ROBO1: variants seen among roughly 807,000 people sequenced by gnomAD.
ROBO1 encodes roundabout homolog 1.
ROBO1 carries 149 observed loss-of-function variants against 195.9 expected under a neutral mutation model. The observed-to-expected ratio is 0.76, with a 90% confidence interval of 0.67 to 0.87. ROBO1 has a LOEUF of 0.87. Among genes scored for constraint, ROBO1 ranks in the 40% least tolerant of loss-of-function variants. The pLI is 0.00. For missense variants in ROBO1, 1,933 were observed against 2,068.3 expected (o/e 0.93, Z 1.27); for synonymous variants, 816 against 733.2 (o/e 1.11, Z -1.82).
chr3:78,834,933 T>C (rs1252699404), intron 4 of ROBO1, among the ~76,000 whole-genome samples: 1 of 152,216 alleles, frequency 6.6e-6, no homozygotes, highest in African/African-American at 2.4e-5. Context: ...CTTTTGCTTA[T>C]ATAATGACAT....
chr3:79,684,728 T>A (rs886144043), intron 1 of ROBO1, among the ~76,000 whole-genome samples: 4 of 152,010 alleles, frequency 2.6e-5, no homozygotes, highest in Non-Finnish European at 2.9e-5. Context: ...CAGACTGGAG[T>A]GCAGTGACGT....
At chr3:79,569,465 A>G (rs1943200060) in intron 2 of ROBO1, among the ~76,000 whole-genome samples, 3 of 152,182 alleles carry the variant, frequency 2.0e-5, no homozygotes, top group Admixed American at 6.6e-5. Context: ...CATAGTTGCT[A>G]TATGAATTTT....
chr3:79,650,457 G>A (rs1236199486), intron 1 of ROBO1, among the ~76,000 whole-genome samples: 1 of 151,218 alleles, frequency 6.6e-6, no homozygotes, highest in Non-Finnish European at 1.5e-5. Flanking sequence ...GATATAATAG[G>A]CAAGTTTTAT....
chr3:79,548,830 GT>G (rs1942370636), intron 2 of ROBO1, among the ~76,000 whole-genome samples: 1 of 152,136 alleles, frequency 6.6e-6, no homozygotes, highest in Non-Finnish European at 1.5e-5. Flanking sequence ...CAGCAGCAGG[GT>G]TTTTGAATCA....
At chr3:79,384,048 T>C (rs769490600) in intron 2 of ROBO1, among the ~76,000 whole-genome samples, 5 of 152,058 alleles carry the variant, frequency 3.3e-5, no homozygotes, top group Non-Finnish European at 7.4e-5. Context: ...ATATCACATA[T>C]GCAGTGTATC....
intron 4 of ROBO1, among the ~76,000 whole-genome samples, chr3:78,937,111 T>A (rs1450827069): frequency 6.6e-6 from 1 of 152,108 alleles, no homozygotes; most frequent in African/African-American, 2.4e-5. Flanking sequence ...TATTTTACAC[T>A]CATATCAGAA....
chr3:79,457,816 C>A (rs932226397), intron 2 of ROBO1, among the ~76,000 whole-genome samples: 4 of 152,100 alleles, frequency 2.6e-5, no homozygotes, highest in African/African-American at 9.7e-5. Context: ...TCCATTAAAC[C>A]TCTTTTTCTT....
intron 3 of ROBO1, among the ~76,000 whole-genome samples, chr3:78,990,997 T>C (rs2077224160): frequency 6.6e-6 from 1 of 152,328 alleles, no homozygotes; most frequent in Middle Eastern, 3.4e-3. Flanking sequence ...AAGGGTCTAA[T>C]AAATCATTGT....
intron 2 of ROBO1, among the ~76,000 whole-genome samples, chr3:79,270,791 T>C (rs901552630): frequency 2.2e-4 from 33 of 152,040 alleles, no homozygotes; most frequent in Admixed American, 5.9e-4. Flanking sequence ...CTCTAAATAC[T>C]TCCCTGGCCA....
At chr3:79,736,029 A>G (rs932149722) in intron 1 of ROBO1, among the ~76,000 whole-genome samples, 2 of 152,212 alleles carry the variant, frequency 1.3e-5, no homozygotes, top group Admixed American at 6.5e-5. Context: ...GTAAAGCTCC[A>G]TTCTACAGTG....
At chr3:79,247,263 G>A (rs944571402) in intron 2 of ROBO1, among the ~76,000 whole-genome samples, 1 of 149,496 alleles carries the variant, frequency 6.7e-6, no homozygotes, top group African/African-American at 2.5e-5. Context: ...GTTCCAAAGT[G>A]CACATAATAT....
chr3:78,655,656 GA>G (rs1706962396), intron 18 of ROBO1, among the ~76,000 whole-genome samples: 1 of 152,126 alleles, frequency 6.6e-6, no homozygotes, highest in South Asian at 2.1e-4. Flanking sequence ...AAATAAATGT[GA>G]AGTTCTTTAT....
At chr3:78,599,107 A>AAAT (rs1436783266) in intron 30 of ROBO1, among the ~76,000 whole-genome samples, 180 bp from the exon 31 acceptor site, 3 of 152,180 alleles carry the variant, frequency 2.0e-5, no homozygotes, top group African/African-American at 7.2e-5. Context: ...TCTTCACAGC[A>AAAT]AATTCAACAA....
chr3:79,085,857 T>G (rs2079359544), intron 3 of ROBO1, among the ~76,000 whole-genome samples: 5 of 152,212 alleles, frequency 3.3e-5, no homozygotes, highest in African/African-American at 1.2e-4. Context: ...ACTATAAATT[T>G]CAGCAAATTG....
At chr3:78,806,275 GCTCT>G (rs1405075997) in intron 4 of ROBO1, among the ~76,000 whole-genome samples, 2 of 152,036 alleles carry the variant, frequency 1.3e-5, no homozygotes, top group Non-Finnish European at 2.9e-5. Flanking sequence ...TGCCTGGTCT[GCTCT>G]CTCTAATTTT....
chr3:79,564,074 A>ATGATGG (rs1943013367), intron 2 of ROBO1, among the ~76,000 whole-genome samples: 2 of 152,004 alleles, frequency 1.3e-5, no homozygotes, highest in Admixed American at 1.3e-4. Context: ...ACAGTTTGAA[A>ATGATGG]AGACTCCAAT....
chr3:79,321,987 T>C (rs1353426248), intron 2 of ROBO1, among the ~76,000 whole-genome samples: 2 of 152,198 alleles, frequency 1.3e-5, no homozygotes, highest in African/African-American at 4.8e-5. Flanking sequence ...TAATTGGCTC[T>C]GGAAATCAAG....
intron 2 of ROBO1, among the ~76,000 whole-genome samples, chr3:79,456,188 G>A (rs1052664657): frequency 7.2e-5 from 11 of 152,216 alleles, no homozygotes; most frequent in African/African-American, 2.4e-4. Flanking sequence ...AATATCTAAT[G>A]GAAAAGTAAG....
chr3:79,610,345 T>C (rs1944619213), intron 1 of ROBO1, among the ~76,000 whole-genome samples: 1 of 141,190 alleles, frequency 7.1e-6, no homozygotes, highest in South Asian at 2.5e-4. Context: ...ATAATAAGAG[T>C]TAAGTGAACG....
Sources: gnomAD v4.1 joint callset for allele counts (sites outside exome capture counted in the v4.1 genomes callset) on GRCh38, gnomAD v4.1.1 for gene constraint, MANE v1.5 for transcripts, NCBI Gene and HGNC (gene_info 2026-07-23, HGNC 2026-07-21) for gene names.